PLCD1: variants seen among roughly 807,000 people sequenced by gnomAD.
PLCD1 encodes phospholipase C delta 1.
Under a neutral mutation model 87.4 loss-of-function variants are expected in PLCD1, and 71 were observed. That is an observed-to-expected ratio of 0.81 (90% CI 0.67 to 0.99). PLCD1 has a LOEUF of 0.99. Ranked by LOEUF, PLCD1 falls within the 50% of genes least tolerant of loss-of-function variation. PLCD1 has a pLI of 0.00. For missense variants in PLCD1, 867 were observed against 1,001.5 expected (o/e 0.87, Z 1.81); for synonymous variants, 348 against 399.2 (o/e 0.87, Z 1.53).
intron 3 of PLCD1, among the ~76,000 whole-genome samples, chr3:38,012,806 G>A (rs1339196477): frequency 4.6e-5 from 7 of 151,336 alleles, no homozygotes; most frequent in East Asian, 1.9e-4. Flanking sequence ...TGTGAGCCAC[G>A]GCACCCGGCC....
intron 2 of PLCD1, among the ~76,000 whole-genome samples, chr3:38,019,226 G>A (rs571479819): frequency 6.6e-6 from 1 of 152,192 alleles, no homozygotes; most frequent in Non-Finnish European, 1.5e-5. Context: ...GCCTGGCTAT[G>A]TGAAACCCAG....
rs1190195662 is a variant in PLCD1 at position 38,007,547 on chromosome 3, G to A, written c.*226C>T. On this transcript the variant is annotated 3_prime_UTR_variant, in exon 15 of 15. Coordinates refer to ENST00000334661, the MANE Select transcript of PLCD1 (RefSeq NM_006225.4). Reference sequence around the variant, plus strand: ...ATCCTTGACCACTCGCTGGCCGGAGGGTGGAGAGGGCTGCAGTGTTATTCC... The same window carrying A: ...ATCCTTGACCACTCGCTGGCCGGAGAGTGGAGAGGGCTGCAGTGTTATTCC... The A allele has an allele frequency of 2.9e-6, 2 of 683,724 alleles. No homozygotes were observed. The highest frequency in any genetic ancestry group is 2.0e-5 in the Admixed American group (1 of 49,522). 42.4% of individuals were successfully genotyped at this position (683,724 alleles called of 1,614,324 possible).
chr3:38,007,979 C>T (rs775232166), intron 14 of PLCD1, 35 bp downstream of exon 14: 1 of 1,613,904 alleles, frequency 6.2e-7, no homozygotes, highest in Non-Finnish European at 8.5e-7. Context: ...CCCTGCTTCC[C>T]ACCACCTTGG....
intron 11 of PLCD1, 61 bp from the exon 12 acceptor site, chr3:38,008,697 C>G (rs569138098): frequency 1.9e-4 from 285 of 1,469,802 alleles, no homozygotes; most frequent in Non-Finnish European, 2.6e-4. Context: ...AGAGCACAGC[C>G]TGCTCAGGGT....
rs776892456 is a variant in PLCD1 at position 38,008,370 on chromosome 3, G to A, written c.1903-3C>T. On this transcript the variant is annotated splice_polypyrimidine_tract_variant and splice_region_variant and intron_variant, in intron 12 of 14. Transcript: ENST00000334661. ...GGCAGCTGCTGCCCCGAAATGACCT[G>A]AGGAAAGGCAGAGGACAATGGACAG... 1.9e-6 allele frequency: 3 copies of A among 1,614,226 alleles called. No individual in the cohort carries two copies. Among genetic ancestry groups the A allele is most frequent in the Admixed American group, 1.7e-5 (1 of 60,034 alleles).
Position 38,011,443 on chromosome 3 carries a change from C to T in PLCD1, c.561G>A (p.Glu187=). ...GGGAGTCTGTCTGGGAGTGGTCACACTCCTGCAGAGCCAGGACAGCCGAGT... is the reference window on the plus strand; with the variant it reads ...GGGAGTCTGTCTGGGAGTGGTCACATTCCTGCAGAGCCAGGACAGCCGAGT... The part of the protein sequence containing the change: ...DDSYARKIFR[E]CDHSQTDSLE... The change falls in exon 5 of 15, where the codon GAG becomes GAA. Residue 187 remains glutamate (E), a splice_region_variant and synonymous_variant. Coordinates refer to ENST00000334661, the MANE Select transcript of PLCD1 (RefSeq NM_006225.4). The T allele has an allele frequency of 6.2e-7, 1 of 1,613,920 alleles. No homozygotes were observed. Among genetic ancestry groups the T allele is most frequent in the Non-Finnish European group, 8.5e-7 (1 of 1,179,776 alleles).
chr3:38,012,766 C>T (rs909967789), intron 3 of PLCD1, among the ~76,000 whole-genome samples: 1 of 152,110 alleles, frequency 6.6e-6, no homozygotes, highest in Non-Finnish European at 1.5e-5. Flanking sequence ...ATCCACCCGC[C>T]TTGGCCTCCC....
chr3:38,012,180 T>C (rs2125545381), intron 3 of PLCD1, among the ~76,000 whole-genome samples: 1 of 151,736 alleles, frequency 6.6e-6, no homozygotes, highest in African/African-American at 2.4e-5. Context: ...GGCTTTTTTT[T>C]TTTTTTTTGG....
intron 14 of PLCD1, 56 bp downstream of exon 14, chr3:38,007,958 G>A: frequency 6.2e-7 from 1 of 1,612,254 alleles, no homozygotes. Context: ...CCCAGCCCAA[G>A]AGACGCCAGG....
intron 1 of PLCD1, chr3:38,024,328 G>A: frequency 1.2e-6 from 2 of 1,611,096 alleles, no homozygotes; most frequent in Non-Finnish European, 1.7e-6. Context: ...AGTGCTCTGC[G>A]CCCCTTACCC....
intron 3 of PLCD1, among the ~76,000 whole-genome samples, chr3:38,013,467 C>T (rs1700113628): frequency 6.6e-6 from 1 of 152,238 alleles, no homozygotes; most frequent in Non-Finnish European, 1.5e-5. Context: ...CCTGCCTCGG[C>T]CTCCCAAAGT....
At chr3:38,023,744 C>T (rs1408587280) in intron 1 of PLCD1, among the ~76,000 whole-genome samples, 2 of 151,998 alleles carry the variant, frequency 1.3e-5, no homozygotes, top group South Asian at 2.1e-4. Context: ...TACAGTCACA[C>T]TCAGTTGAAC....
intron 3 of PLCD1, among the ~76,000 whole-genome samples, chr3:38,014,130 A>T (rs1700122085): frequency 6.6e-6 from 1 of 152,252 alleles, no homozygotes; most frequent in Non-Finnish European, 1.5e-5. Context: ...TGACATTATT[A>T]TACTGGGAAT....
chr3:38,015,687 C>T (rs1559374836), intron 3 of PLCD1, among the ~76,000 whole-genome samples: 1 of 152,200 alleles, frequency 6.6e-6, no homozygotes, highest in Non-Finnish European at 1.5e-5. Flanking sequence ...AATCATAAAC[C>T]AGTGTGTCAT....
At chr3:38,019,436 A>G (rs1290431830) in intron 2 of PLCD1, among the ~76,000 whole-genome samples, 1 of 152,174 alleles carries the variant, frequency 6.6e-6, no homozygotes, top group African/African-American at 2.4e-5. Context: ...CATTTCCATC[A>G]TTGTTCAACT....
chr3:38,007,919 G>A (rs139682605), intron 14 of PLCD1, 61 bp from the exon 15 acceptor site: 36 of 1,604,372 alleles, frequency 2.2e-5, no homozygotes, highest in Admixed American at 2.2e-4. Context: ...GCGGCGGAGG[G>A]GGGGTGGATG....
rs1463134711 is a variant in PLCD1 at position 38,029,509 on chromosome 3, G to A, written c.31C>T (p.His11Tyr). ...CTCGCGCGGGCCAGGCACTCACCGT[G>A]CAGGGTCAGGAAGTCCCGGCCCGAG... MDSGRDFLTL[H>Y]GLQDDEDLQA... Residue 11 changes from histidine to tyrosine, a missense_variant, in exon 1 of 15, where the codon CAC becomes TAC. By Grantham distance (83) the His-to-Tyr change is moderately conservative (BLOSUM62 2). Coordinates refer to ENST00000334661, the MANE Select transcript of PLCD1 (RefSeq NM_006225.4). 5.2e-6 allele frequency: 8 copies of A among 1,539,432 alleles called. No individual in the cohort carries two copies. In the African/African-American group the frequency reaches 8.2e-5, roughly 16 times the overall value.
chr3:38,020,489 C>T lies in PLCD1; in HGVS notation c.35-137G>A, dbSNP rs191037854. 9.0e-5 allele frequency: 72 copies of T among 801,868 alleles called. No individual in the cohort carries two copies. The African/African-American group carries it at 1.1e-3, about 12-fold the overall frequency. The allele number at this position is 801,868 out of a possible 1,614,324, so 49.7% of individuals were successfully genotyped here. A position where few individuals can be genotyped will look rare whatever the true frequency, so the allele number is the denominator to read the frequency against. ...CTCATCCTCAGCTCTGTTTACTCCT[C>T]CCTCCTCCACCCATGCTCCAACCTG... On this transcript the variant is annotated intron_variant, in intron 1 of 14. Transcript: ENST00000334661.
rs115787371 is a variant in PLCD1, at chr3:38,009,324, G to A, written c.1554C>T (p.Tyr518=). ...GGTTCTCAGAGAAGGACGCCATCTC[G>A]TAGAAGGCCTGTCCAGGGGTGCCAG... ...SSPGTPGQAF[Y]EMASFSENRA... The change falls in exon 10 of 15, where the codon TAC becomes TAT. Residue 518 remains tyrosine, a synonymous_variant. Coordinates refer to ENST00000334661, the MANE Select transcript of PLCD1 (RefSeq NM_006225.4). The A allele has an allele frequency of 3.1e-3, 4,948 of 1,614,148 alleles. 16 individuals carry two copies. Among genetic ancestry groups the A allele is most frequent in the Non-Finnish European group, 3.9e-3 (4,601 of 1,179,972 alleles).
Sources: allele counts gnomAD v4.1 joint callset (sites outside exome capture counted in the v4.1 genomes callset), GRCh38; gene constraint gnomAD v4.1.1; transcripts MANE v1.5; gene names NCBI Gene and HGNC (gene_info 2026-07-23, HGNC 2026-07-21).